DIP2B: variants seen among roughly 807,000 people sequenced by gnomAD.
DIP2B encodes the protein DIP2 acetate--CoA ligase B (putative).
In DIP2B, 76 loss-of-function variants were observed where a neutral mutation model predicts 198.0. The observed-to-expected ratio is 0.38, with a 90% confidence interval of 0.32 to 0.46. DIP2B has a LOEUF of 0.46. Among genes scored for constraint, DIP2B ranks in the 20% least tolerant of loss-of-function variants. The pLI is 0.99. For synonymous variants in DIP2B, 701 were observed against 739.1 expected, an observed-to-expected ratio of 0.95 and a Z score of 0.84; for missense variants, 1,559 against 1,978.4, an observed-to-expected ratio of 0.79 and a Z score of 4.02.
chr12:50,554,801 C>G (rs1238359249), intron 1 of DIP2B, among the ~76,000 whole-genome samples: 1 of 140,236 alleles, frequency 7.1e-6, no homozygotes, highest in Admixed American at 7.4e-5. Context: ...TGGAGTCTTG[C>G]TGTCTCACCA....
chr12:50,716,958 C>CTTTTTTT (rs4026694), intron 23 of DIP2B, among the ~76,000 whole-genome samples: 1,125 of 58,910 alleles, frequency 0.019, 150 homozygotes, highest in Middle Eastern at 0.056. Flanking sequence ...CGAATTGTTG[C>CTTTTTTT]TTTTTTTTTT....
intron 1 of DIP2B, among the ~76,000 whole-genome samples, chr12:50,569,556 G>T (rs1958595441): frequency 6.6e-6 from 1 of 152,126 alleles, no homozygotes; most frequent in African/African-American, 2.4e-5. Context: ...CAGTGAGTTG[G>T]CAGGGAGGCT....
intron 32 of DIP2B, 34 bp downstream of exon 32, chr12:50,732,570 G>A: frequency 6.2e-7 from 1 of 1,611,984 alleles, no homozygotes; most frequent in Non-Finnish European, 8.5e-7. Flanking sequence ...GTTGACAAAT[G>A]GGAGAGGAAT....
chr12:50,543,362 T>C (rs1958343646), intron 1 of DIP2B, among the ~76,000 whole-genome samples: 1 of 151,860 alleles, frequency 6.6e-6, no homozygotes. Flanking sequence ...CAATCTTGGC[T>C]CACCGCAACT....
At chr12:50,700,916 A>G (rs762899389) in intron 19 of DIP2B, among the ~76,000 whole-genome samples, 4 of 152,194 alleles carry the variant, frequency 2.6e-5, no homozygotes, top group African/African-American at 4.8e-5. Flanking sequence ...GCTCAATCAT[A>G]GCTCACTGCA....
intron 36 of DIP2B, 33 bp from the exon 37 acceptor site, chr12:50,741,383 C>G (rs754281284): frequency 5.0e-6 from 8 of 1,606,922 alleles, no homozygotes; most frequent in East Asian, 4.5e-5. Flanking sequence ...AGTATATGTC[C>G]AAGCCACATT....
Position 50,718,995 on chromosome 12 carries a change from C to T in DIP2B, c.3002C>T (p.Ala1001Val), listed in dbSNP as rs757434494. Residue 1001 changes from alanine to valine, a missense_variant, in exon 25 of 38, where the codon GCG becomes GTG. Ala to Val is a moderately conservative substitution (Grantham distance 64). Coordinates refer to ENST00000301180, the MANE Select transcript of DIP2B (RefSeq NM_173602.3). Reference protein sequence around the residue: ...LAEILQWRAQATPDHVLFMLL... With the variant: ...LAEILQWRAQVTPDHVLFMLL... ...GAGATCCTACAGTGGCGAGCCCAGG[C>T]GACTCCTGACCATGTACTCTTCATG... 9.3e-6 allele frequency: 15 copies of T among 1,614,036 alleles called. No individual in the cohort carries two copies. The highest frequency in any genetic ancestry group is 2.7e-5 in the African/African-American group (2 of 74,902).
intron 1 of DIP2B, among the ~76,000 whole-genome samples, chr12:50,582,169 T>TTTTTTTA (rs1958731208): frequency 1.0e-5 from 1 of 100,376 alleles, no homozygotes; most frequent in African/African-American, 3.3e-5. Context: ...TTTTTTTTTT[T>TTTTTTTA]GAGTGGAGTT....
At chr12:50,736,579 C>G (rs1375183543) in intron 34 of DIP2B, among the ~76,000 whole-genome samples, 1 of 152,168 alleles carries the variant, frequency 6.6e-6, no homozygotes, top group Non-Finnish European at 1.5e-5. Context: ...CTCTGTCACT[C>G]TTCACATTCC....
At position 50,571,553 on chromosome 12, in the gene DIP2B, T is replaced by G. The variant is rs547008272; in HGVS notation, c.101-54423T>G. 1.3e-4 allele frequency among the ~76,000 whole-genome samples: 19 copies of G among 141,866 alleles called. No homozygotes were observed. The East Asian group carries it at 2.1e-3, about 15-fold the overall frequency. The allele number at this position is 141,866 out of a possible 152,430, so 93.1% of individuals were successfully genotyped here. ...GTGACCTTTGAAACCTAGGCGTTTT[T>G]TTTTTTTTTTTTTTTTTGAGACGGA... On this transcript the variant is annotated intron_variant, in intron 1 of 37. Coordinates refer to ENST00000301180, the MANE Select transcript of DIP2B (RefSeq NM_173602.3).
chr12:50,740,640 GT>G (rs1161993901), intron 36 of DIP2B, among the ~76,000 whole-genome samples: 1 of 152,138 alleles, frequency 6.6e-6, no homozygotes, highest in Non-Finnish European at 1.5e-5. Flanking sequence ...CAATCACTTT[GT>G]TTTGCTGAAT....
At chr12:50,505,317 G>T (rs1253543215) in intron 1 of DIP2B, 77 bp downstream of exon 1, 4 of 1,236,990 alleles carry the variant, frequency 3.2e-6, no homozygotes, top group Non-Finnish European at 4.3e-6. Context: ...CCCGCCGCGC[G>T]CTCTGGCGGC....
intron 1 of DIP2B, among the ~76,000 whole-genome samples, chr12:50,529,070 G>A (rs1317763191): frequency 6.6e-6 from 1 of 152,144 alleles, no homozygotes; most frequent in Non-Finnish European, 1.5e-5. Context: ...TGGTTAGGAG[G>A]GGCAGGACAT....
chr12:50,587,635 AT>A (rs1235515438), intron 1 of DIP2B, among the ~76,000 whole-genome samples: 4 of 151,984 alleles, frequency 2.6e-5, no homozygotes, highest in Admixed American at 2.6e-4. Context: ...TCCATTTTCA[AT>A]TTTTTTCTTC....
rs556084109 is a variant in DIP2B, at chr12:50,746,482, T to C, written c.*1643T>C. On this transcript the variant is annotated 3_prime_UTR_variant, in exon 38 of 38. Coordinates refer to ENST00000301180, the MANE Select transcript of DIP2B (RefSeq NM_173602.3). ...ACCAGCTCCTTTGCGGTGGCAGTGC[T>C]CTAGGGCTGCCATTACACGGTCTTG... The C allele has an allele frequency of 6.6e-6, 1 of 152,324 alleles. No individual in the cohort carries two copies. Among genetic ancestry groups the C allele is most frequent in the Non-Finnish European group, 1.5e-5 (1 of 68,030 alleles). The allele number at this position is 152,324 out of a possible 1,614,324, so 9.4% of individuals were successfully genotyped here.
In DIP2B at chr12:50,724,906, T is replaced by C; in HGVS notation, c.3400+20T>C. 1.2e-6 allele frequency: 2 copies of C among 1,610,524 alleles called. No homozygotes were observed. Among genetic ancestry groups the C allele is most frequent in the South Asian group, 2.2e-5 (2 of 91,008 alleles). ...ACACAGGTGAAAGGGAGACTTCTTC[T>C]GAGGGTGGAGGGACTGAGAGCTCAC... On this transcript the variant is annotated intron_variant, in intron 28 of 37. Transcript: ENST00000301180.
chr12:50,690,966 G>C, intron 12 of DIP2B, 83 bp from the exon 13 acceptor site: 5 of 1,183,176 alleles, frequency 4.2e-6, no homozygotes, highest in Non-Finnish European at 6.1e-6. Context: ...TGGTTTTTCT[G>C]GGTTTTGTTT....
rs536822264 is a variant in DIP2B, at chr12:50,566,898, G to A, written c.101-59078G>A. 1.9e-4 allele frequency among the ~76,000 whole-genome samples: 29 copies of A among 151,490 alleles called. 1 individual carries two copies. The South Asian group carries it at 3.9e-3, about 21-fold the overall frequency. ...GAGGCAGGAGAATGGTGTGAACCCC[G>A]GAGGCGGAGCTTGCAGTGAGCCGAG... On this transcript the variant is annotated intron_variant, in intron 1 of 37. Transcript: ENST00000301180.
chr12:50,509,935 A>G (rs957685940), intron 1 of DIP2B, among the ~76,000 whole-genome samples: 4 of 152,204 alleles, frequency 2.6e-5, no homozygotes, highest in African/African-American at 7.2e-5. Flanking sequence ...AAGAATGGGC[A>G]TTATCTAAGT....
Sources: allele counts gnomAD v4.1 joint callset (sites outside exome capture counted in the v4.1 genomes callset), GRCh38; gene constraint gnomAD v4.1.1; transcripts MANE v1.5; gene names NCBI Gene and HGNC (gene_info 2026-07-23, HGNC 2026-07-21).